KIAA1217: variants seen among roughly 807,000 people sequenced by gnomAD.
The protein encoded by KIAA1217 is sickle tail protein homolog.
KIAA1217 carries 88 observed loss-of-function variants against 163.9 expected under a neutral mutation model. The ratio of observed to expected loss-of-function variants is 0.54; its 90% confidence interval spans 0.45 to 0.64. KIAA1217 has a LOEUF of 0.64. Ranked by LOEUF, KIAA1217 falls within the 30% of genes least tolerant of loss-of-function variation. KIAA1217 has a pLI of 0.00. For synonymous variants in KIAA1217, 903 were observed against 923.1 expected (o/e 0.98, Z 0.39); for missense variants, 2,372 against 2,475.0 (o/e 0.96, Z 0.88).
chr10:24,162,433 C>T (rs764541685), intron 2 of KIAA1217, among the ~76,000 whole-genome samples: 5 of 152,214 alleles, frequency 3.3e-5, no homozygotes, highest in Admixed American at 6.5e-5. Flanking sequence ...TTGGCAGAAA[C>T]ATTCTCCAAC....
intron 2 of KIAA1217, among the ~76,000 whole-genome samples, chr10:24,284,848 A>G (rs1027705918): frequency 4.6e-5 from 7 of 152,220 alleles, no homozygotes; most frequent in South Asian, 2.1e-4. Context: ...CTAATTTCCA[A>G]TCCGACCAAC....
At chr10:23,943,324 T>G (rs1423245798) in intron 1 of KIAA1217, among the ~76,000 whole-genome samples, 1 of 152,146 alleles carries the variant, frequency 6.6e-6, no homozygotes, top group Non-Finnish European at 1.5e-5. Flanking sequence ...GAGCAGCATA[T>G]AATGATCAAT....
chr10:24,471,823 C>A (rs527571872), intron 5 of KIAA1217, among the ~76,000 whole-genome samples: 3 of 144,620 alleles, frequency 2.1e-5, no homozygotes, highest in Admixed American at 7.4e-5. Context: ...GTGGAGATTG[C>A]AGTGACTGAG....
chr10:24,233,555 T>G (rs1311415087), intron 2 of KIAA1217, among the ~76,000 whole-genome samples: 1 of 152,218 alleles, frequency 6.6e-6, no homozygotes, highest in East Asian at 1.9e-4. Flanking sequence ...CAGGAATATT[T>G]AATTTAGTAT....
At chr10:24,390,172 CTTA>C (rs2054656981) in intron 3 of KIAA1217, among the ~76,000 whole-genome samples, 1 of 152,106 alleles carries the variant, frequency 6.6e-6, no homozygotes, top group Non-Finnish European at 1.5e-5. Context: ...AGGGGCCTAA[CTTA>C]TTATATTTGT....
chr10:23,972,402 C>A (rs975060382), intron 1 of KIAA1217, among the ~76,000 whole-genome samples: 3 of 151,572 alleles, frequency 2.0e-5, no homozygotes, highest in African/African-American at 7.3e-5. Context: ...GAAAATATGG[C>A]ACATACACAC....
chr10:23,736,133 TCA>T (rs1838784381), intron 1 of KIAA1217, among the ~76,000 whole-genome samples: 1 of 96,654 alleles, frequency 1.0e-5, no homozygotes, highest in Admixed American at 1.0e-4. Context: ...GTCAAATGTA[TCA>T]ATCATTTATT....
At chr10:24,031,687 C>G (rs554833327) in intron 2 of KIAA1217, among the ~76,000 whole-genome samples, 1 of 151,760 alleles carries the variant, frequency 6.6e-6, no homozygotes, top group South Asian at 2.1e-4. Context: ...CTTAATTTCA[C>G]TGTTTGTGTG....
intron 2 of KIAA1217, among the ~76,000 whole-genome samples, chr10:24,347,001 T>G (rs2047873978): frequency 6.6e-6 from 1 of 152,132 alleles, no homozygotes; most frequent in South Asian, 2.1e-4. Flanking sequence ...AATAACCGAG[T>G]GTTGGCTTAG....
At chr10:24,295,562 C>T (rs924539920) in intron 2 of KIAA1217, among the ~76,000 whole-genome samples, 3 of 152,132 alleles carry the variant, frequency 2.0e-5, no homozygotes, top group Non-Finnish European at 1.5e-5. Flanking sequence ...AAGCTCAGTT[C>T]TAGACTTCTT....
chr10:23,768,623 A>C (rs1177951899), intron 1 of KIAA1217, among the ~76,000 whole-genome samples: 1 of 152,220 alleles, frequency 6.6e-6, no homozygotes, highest in Non-Finnish European at 1.5e-5. Flanking sequence ...TTGCCATTTT[A>C]AAGACATAGG....
At chr10:23,874,792 T>C (rs1371692826) in intron 1 of KIAA1217, among the ~76,000 whole-genome samples, 2 of 152,016 alleles carry the variant, frequency 1.3e-5, no homozygotes, top group Non-Finnish European at 2.9e-5. Flanking sequence ...CCAGTCACTA[T>C]TACAAATAAT....
chr10:24,496,008 T>C (rs2066738255), intron 8 of KIAA1217, among the ~76,000 whole-genome samples: 2 of 152,208 alleles, frequency 1.3e-5, no homozygotes, highest in African/African-American at 4.8e-5. Flanking sequence ...GATGAGGTCT[T>C]CCCTCTCATC....
At position 23,959,899 on chromosome 10, in the gene KIAA1217, G is replaced by T. The variant is rs183390440; in HGVS notation, c.-320-47326G>T. ...TCTTTTGACCTACTTCAGAGAGGAA[G>T]GTCATAGACTTCTTTTTTTTTTTTT... On this transcript the variant is annotated intron_variant, in intron 1 of 18. Transcript: ENST00000376462. Among the ~76,000 whole-genome samples, 153 of 150,892 alleles carry T rather than the reference G, an allele frequency of 1.0e-3. 1 individual carries two copies. The highest frequency in any genetic ancestry group is 3.5e-3 in the African/African-American group (144 of 41,112).
At chr10:24,214,368 C>T (rs750681630) in intron 1 of KIAA1217, among the ~76,000 whole-genome samples, 3 of 152,232 alleles carry the variant, frequency 2.0e-5, no homozygotes, top group East Asian at 1.9e-4. Flanking sequence ...CCTGGGTGGC[C>T]GATGAGGCTC....
intron 6 of KIAA1217, among the ~76,000 whole-genome samples, chr10:24,484,978 C>T (rs952461681): frequency 6.6e-6 from 1 of 152,060 alleles, no homozygotes; most frequent in Non-Finnish European, 1.5e-5. Context: ...TCCCTAAGTG[C>T]ATTTGCTGTG....
At chr10:24,430,710 G>A (rs927726111) in intron 3 of KIAA1217, among the ~76,000 whole-genome samples, 8 of 152,132 alleles carry the variant, frequency 5.3e-5, no homozygotes, top group African/African-American at 1.4e-4. Context: ...CTCACCATGC[G>A]CAGTTCACAG....
chr10:24,521,781 G>A lies in KIAA1217; in HGVS notation c.2309-1G>A. On this transcript the variant is annotated splice_acceptor_variant, in intron 11 of 20. Coordinates refer to ENST00000376454, the MANE Select transcript of KIAA1217 (RefSeq NM_019590.5). LOFTEE classifies it high-confidence loss of function. The stretch of plus-strand genomic sequence containing the variant: ...ATTCACCTGCTGGTTTGGGCCTGCA[G>A]GAGAATTTCCAACCTTACAAAACAA... 6.2e-7 allele frequency: 1 copy of A among 1,610,736 alleles called. No individual in the cohort carries two copies. The highest frequency in any genetic ancestry group is 8.5e-7 in the Non-Finnish European group (1 of 1,178,742).
At chr10:24,395,186 G>T (rs1481849624) in intron 3 of KIAA1217, among the ~76,000 whole-genome samples, 12 of 152,214 alleles carry the variant, frequency 7.9e-5, no homozygotes, top group African/African-American at 2.9e-4. Context: ...AAACATAGAG[G>T]CCCTTGCAGG....
Sources: allele counts gnomAD v4.1 joint callset (sites outside exome capture counted in the v4.1 genomes callset), GRCh38; gene constraint gnomAD v4.1.1; transcripts MANE v1.5; gene names NCBI Gene and HGNC (gene_info 2026-07-23, HGNC 2026-07-21).